SEMA3E: variants seen among roughly 807,000 people sequenced by gnomAD.
The protein encoded by SEMA3E is semaphorin 3E.
SEMA3E carries 49 observed loss-of-function variants against 93.6 expected under a neutral mutation model. The observed-to-expected ratio is 0.52, with a 90% CI of 0.42 to 0.66. The LOEUF (loss-of-function observed/expected upper bound fraction) is 0.66, where lower values mean the gene tolerates loss of function less well. SEMA3E is among the 30% of genes least tolerant of loss of function. The pLI, the probability that SEMA3E is intolerant of heterozygous loss-of-function variation, is 0.00. For missense variants in SEMA3E, 906 were observed against 964.8 expected (o/e 0.94, Z 0.81); for synonymous variants, 363 against 330.7 (o/e 1.10, Z -1.06).
chr7:83,594,561 A>G (rs571110905), intron 1 of SEMA3E, among the ~76,000 whole-genome samples: 54 of 152,172 alleles, frequency 3.5e-4, no homozygotes, highest in African/African-American at 1.1e-3. Context: ...AAACCTTCCT[A>G]GGTTTTTCTG....
In SEMA3E at chr7:83,364,827, CCTT is replaced by C. The variant is rs1315585213; in HGVS notation, c.*2756_*2758del. Reference sequence around the variant, plus strand: ...TGTTGCTAGAGAGCATGGTTTCTCTCCTTCTACAAGAAAGAGAAAAATGGGGAA... The same window carrying C: ...TGTTGCTAGAGAGCATGGTTTCTCTCCTACAAGAAAGAGAAAAATGGGGAA... On this transcript the variant is annotated 3_prime_UTR_variant, in exon 17 of 17. Coordinates refer to ENST00000643230, the MANE Select transcript of SEMA3E (RefSeq NM_012431.3). 2 of 152,136 alleles carry C rather than the reference CCTT, an allele frequency of 1.3e-5. No individual in the cohort carries two copies. The highest frequency in any genetic ancestry group is 2.4e-5 in the African/African-American group (1 of 41,406). 9.4% of individuals were successfully genotyped at this position (152,136 alleles called of 1,614,324 possible).
chr7:83,387,178 G>T, intron 14 of SEMA3E, 128 bp from the exon 15 acceptor site: 1 of 784,612 alleles, frequency 1.3e-6, no homozygotes, highest in Non-Finnish European at 2.1e-6. Flanking sequence ...TATGAAAAAA[G>T]AATAAAATCC....
intron 16 of SEMA3E, among the ~76,000 whole-genome samples, chr7:83,373,617 G>A (rs940508453): frequency 1.3e-5 from 2 of 151,866 alleles, no homozygotes; most frequent in Non-Finnish European, 2.9e-5. Flanking sequence ...GAAAAACAAC[G>A]CTTATTTTAA....
intron 1 of SEMA3E, among the ~76,000 whole-genome samples, chr7:83,608,593 G>T (rs899742667): frequency 8.6e-5 from 13 of 151,858 alleles, no homozygotes; most frequent in African/African-American, 3.1e-4. Context: ...CCCCTCTCTT[G>T]TTCTCACTGT....
At chr7:83,381,497 AC>A (rs1203926496) in intron 16 of SEMA3E, among the ~76,000 whole-genome samples, 8 of 151,692 alleles carry the variant, frequency 5.3e-5, no homozygotes, top group Non-Finnish European at 1.0e-4. Context: ...TTCTATGGCC[AC>A]CCTTTTAAAA....
At chr7:83,574,881 G>C (rs1312005787) in intron 1 of SEMA3E, among the ~76,000 whole-genome samples, 1 of 152,108 alleles carries the variant, frequency 6.6e-6, no homozygotes, top group Non-Finnish European at 1.5e-5. Flanking sequence ...CAGAAGTACT[G>C]CCTGTTCAAC....
At chr7:83,539,085 G>T (rs2115754959) in intron 1 of SEMA3E, among the ~76,000 whole-genome samples, 1 of 152,204 alleles carries the variant, frequency 6.6e-6, no homozygotes, top group Non-Finnish European at 1.5e-5. Context: ...CCCACAGAAT[G>T]GTTTTGTTTG....
intron 4 of SEMA3E, among the ~76,000 whole-genome samples, chr7:83,460,609 TGTCTCTACCCC>T (rs1412425430): frequency 2.4e-4 from 8 of 33,054 alleles, no homozygotes; most frequent in African/African-American, 4.7e-4. Flanking sequence ...CTTCTCTCCT[TGTCTCTACCCC>T]TTCTCTGCTT....
rs1192155437 is a variant in SEMA3E, at chr7:83,490,116, C to G, written c.274G>C (p.Glu92Gln). The change falls in exon 2 of 17, where the codon GAG (glutamate) becomes CAG (glutamine). Residue 92 changes from glutamate to glutamine, a missense_variant and splice_region_variant. By Grantham distance (29) the Glu-to-Gln change is conservative. Coordinates refer to ENST00000643230, the MANE Select transcript of SEMA3E (RefSeq NM_012431.3). ...AATGCAGTTTGATATTTCTATACCTCTTTATAGCCGTCACTGATTCTCTCC... is the reference window on the plus strand; with the variant it reads ...AATGCAGTTTGATATTTCTATACCTGTTTATAGCCGTCACTGATTCTCTCC... ...SLERISDGYKEIHWPSTALKM... is the reference protein window; with the variant it reads ...SLERISDGYKQIHWPSTALKM... The G allele has an allele frequency of 2.5e-6, 4 of 1,612,596 alleles. No homozygotes were observed. Among genetic ancestry groups the G allele is most frequent in the Non-Finnish European group, 3.4e-6 (4 of 1,179,192 alleles).
intron 4 of SEMA3E, among the ~76,000 whole-genome samples, chr7:83,436,882 T>C (rs1789014734): frequency 6.6e-6 from 1 of 152,148 alleles, no homozygotes; most frequent in South Asian, 2.1e-4. Context: ...GACTGGGCAA[T>C]TTACAAAATA....
At chr7:83,518,250 A>G (rs939617976) in intron 1 of SEMA3E, among the ~76,000 whole-genome samples, 6 of 152,124 alleles carry the variant, frequency 3.9e-5, no homozygotes, top group African/African-American at 1.4e-4. Context: ...GGGGAACACT[A>G]AGAACTCGAC....
intron 5 of SEMA3E, among the ~76,000 whole-genome samples, chr7:83,415,998 C>A (rs1363275352): frequency 1.3e-5 from 2 of 152,018 alleles, no homozygotes; most frequent in African/African-American, 2.4e-5. Flanking sequence ...AATTCCAACT[C>A]AGGTAGCTTC....
intron 4 of SEMA3E, among the ~76,000 whole-genome samples, chr7:83,454,613 GA>G (rs1393410472): frequency 6.6e-6 from 1 of 151,252 alleles, no homozygotes; most frequent in East Asian, 1.9e-4. Flanking sequence ...ACTATAAGCA[GA>G]AAAAAAAGTT....
At position 83,368,133 on chromosome 7, in the gene SEMA3E, T is replaced by C. The variant is rs564766558; in HGVS notation, c.1876-95A>G. 5.5e-5 allele frequency: 61 copies of C among 1,105,494 alleles called. 2 individuals are homozygous for C. The South Asian group carries it at 7.7e-4, about 14-fold the overall frequency. 68.5% of individuals were successfully genotyped at this position (1,105,494 alleles called of 1,614,324 possible). A position where few individuals can be genotyped will look rare whatever the true frequency, so the allele number is the denominator to read the frequency against. ...ACTACCTATCTTGAATTTTTTCATT[T>C]TCACTGTCACATAATGAAACCCTGA... On this transcript the variant is annotated intron_variant, in intron 16 of 16. Transcript: ENST00000643230.
At chr7:83,427,197 CTTCT>C (rs753565944) in intron 4 of SEMA3E, among the ~76,000 whole-genome samples, 88 of 151,604 alleles carry the variant, frequency 5.8e-4, no homozygotes, top group Non-Finnish European at 2.8e-4. Context: ...CCTTCCTTTC[CTTCT>C]TTTTTTCTTT....
chr7:83,627,884 G>A (rs531437195), intron 1 of SEMA3E, among the ~76,000 whole-genome samples: 313 of 152,076 alleles, frequency 2.1e-3, no homozygotes, highest in African/African-American at 7.1e-3. Context: ...TATTTTGCCC[G>A]TTAGTTGATG....
chr7:83,406,971 A>T, intron 7 of SEMA3E, 126 bp downstream of exon 7: 1 of 1,111,768 alleles, frequency 9.0e-7, no homozygotes. Context: ...TGGTATAGTA[A>T]ATATCAATTG....
At chr7:83,460,682 T>TCA (rs1789595654) in intron 4 of SEMA3E, among the ~76,000 whole-genome samples, 4 of 132,218 alleles carry the variant, frequency 3.0e-5, no homozygotes, top group South Asian at 2.7e-4. Context: ...CCCCAATCCC[T>TCA]TATTTCTGCA....
Position 83,500,248 on chromosome 7 carries a change from C to T in SEMA3E, c.116-9974G>A, listed in dbSNP as rs571138155. 1.2e-4 allele frequency among the ~76,000 whole-genome samples: 18 copies of T among 152,172 alleles called. No individual in the cohort carries two copies. In the South Asian group the frequency reaches 2.7e-3, roughly 23 times the overall value. On this transcript the variant is annotated intron_variant, in intron 1 of 16. Coordinates refer to ENST00000643230, the MANE Select transcript of SEMA3E (RefSeq NM_012431.3). ...GTCAGGAGTTCAAGACCAGTCTGGC[C>T]AATACAGTGAAACCCCATCTCTACT... is the stretch of plus-strand genomic sequence containing the variant.
Sources: allele counts gnomAD v4.1 joint callset (sites outside exome capture counted in the v4.1 genomes callset), GRCh38; gene constraint gnomAD v4.1.1; transcripts MANE v1.5; gene names NCBI Gene and HGNC (gene_info 2026-07-23, HGNC 2026-07-21).